TNKS: variants seen among roughly 807,000 people sequenced by gnomAD.
The protein encoded by TNKS is tankyrase.
In TNKS, 72 loss-of-function variants were observed where a neutral mutation model predicts 135.8. That is an observed-to-expected ratio of 0.53 (90% CI 0.44 to 0.64). The LOEUF (loss-of-function observed/expected upper bound fraction) is 0.64, where lower values mean the gene tolerates loss of function less well. TNKS is among the 30% of genes least tolerant of loss of function. The pLI is 0.00. For missense variants in TNKS, 1,769 were observed against 1,674.0 expected, an observed-to-expected ratio of 1.06 and a Z score of -0.99; for synonymous variants, 849 against 649.3, an observed-to-expected ratio of 1.31 and a Z score of -4.68.
intron 2 of TNKS, among the ~76,000 whole-genome samples, chr8:9,615,109 A>T (rs1799590668): frequency 6.6e-6 from 1 of 152,098 alleles, no homozygotes; most frequent in Non-Finnish European, 1.5e-5. Flanking sequence ...GGTGAGTTTC[A>T]TGTGCAAGTG....
At chr8:9,656,118 C>A (rs1023691470) in intron 3 of TNKS, among the ~76,000 whole-genome samples, 3 of 152,146 alleles carry the variant, frequency 2.0e-5, no homozygotes, top group Middle Eastern at 3.4e-3. Flanking sequence ...GTAGCCAATG[C>A]GATCAACTGG....
intron 2 of TNKS, among the ~76,000 whole-genome samples, chr8:9,608,468 C>G (rs115781526): frequency 6.6e-6 from 1 of 151,948 alleles, no homozygotes; most frequent in Admixed American, 6.6e-5. Flanking sequence ...TTTCTCAAGG[C>G]TAGAATTGCA....
At position 9,727,248 on chromosome 8, in the gene TNKS, C is replaced by CA. The variant is rs113695392; in HGVS notation, c.2001+533dup. ...TTTCCCTGTGTAGCTCTACTTGCTT[C>CA]AAAAATTTTATCAGTCTGTATTTGT... On this transcript the variant is annotated intron_variant, in intron 13 of 26. Transcript: ENST00000310430. Among the ~76,000 whole-genome samples the CA allele has an allele frequency of 8.4e-3, 1,282 of 152,148 alleles. 18 individuals are homozygous for CA. Among genetic ancestry groups the CA allele is most frequent in the African/African-American group, 0.029 (1,200 of 41,518 alleles).
At position 9,730,958 on chromosome 8, in the gene TNKS, C is replaced by T. The variant is rs575224152; in HGVS notation, c.2070C>T (p.Phe690=). 3.0e-5 allele frequency: 49 copies of T among 1,613,968 alleles called. No individual in the cohort carries two copies. The highest frequency in any genetic ancestry group is 1.2e-4 in the South Asian group (11 of 91,068). ...GCCGGCATTCCACGCCCTTACACTTCGCAGCAGGCTACAACCGCGTGTCTG... is the reference window on the plus strand; with the variant it reads ...GCCGGCATTCCACGCCCTTACACTTTGCAGCAGGCTACAACCGCGTGTCTG... ...LEGRHSTPLH[F]AAGYNRVSVV... The change falls in exon 14 of 27, where the codon TTC becomes TTT. Residue 690 remains phenylalanine (F), a synonymous_variant. Transcript: ENST00000310430.
intron 3 of TNKS, chr8:9,669,984 A>G (rs1348306759): frequency 6.6e-6 from 1 of 152,234 alleles, no homozygotes; most frequent in Non-Finnish European, 1.5e-5. Context: ...AGCTTCAAAA[A>G]AAGTGACTCA....
chr8:9,760,736 A>T (rs1807108488), intron 20 of TNKS, among the ~76,000 whole-genome samples: 1 of 152,222 alleles, frequency 6.6e-6, no homozygotes, highest in African/African-American at 2.4e-5. Flanking sequence ...TCCATAAAGG[A>T]ATTAGGTTAT....
chr8:9,663,701 A>T (rs1317307017), intron 3 of TNKS, among the ~76,000 whole-genome samples: 1 of 152,198 alleles, frequency 6.6e-6, no homozygotes, highest in African/African-American at 2.4e-5. Flanking sequence ...ATTATTTGCT[A>T]GTGGTGCCCA....
chr8:9,676,686 C>CTCTCTGTG (rs1554467464), intron 3 of TNKS, among the ~76,000 whole-genome samples: 3 of 147,884 alleles, frequency 2.0e-5, no homozygotes, highest in African/African-American at 7.5e-5. Flanking sequence ...CTCTCTCTCT[C>CTCTCTGTG]TGTGTGTGTG....
chr8:9,697,657 A>G (rs544461402), intron 5 of TNKS, among the ~76,000 whole-genome samples: 1 of 152,332 alleles, frequency 6.6e-6, no homozygotes, highest in East Asian at 1.9e-4. Flanking sequence ...AAAATAAGAC[A>G]TACAAGCAGC....
Position 9,734,953 on chromosome 8 carries a change from TGA to T in TNKS, c.2406_2407del (p.Asp804CysfsTer44). The T allele has an allele frequency of 6.2e-7, 1 of 1,614,190 alleles. No homozygotes were observed. The highest frequency in any genetic ancestry group is 8.5e-7 in the Non-Finnish European group (1 of 1,180,030). ...GGAGACACAGATATTCAGGACTTAC[TGA>T]GAGGGGATGCTGCTTTGTTGGATGC... is the stretch of plus-strand genomic sequence containing the variant. On this transcript the variant is annotated frameshift_variant, in exon 16 of 27. Coordinates refer to ENST00000310430, the MANE Select transcript of TNKS (RefSeq NM_003747.3). LOFTEE classifies it high-confidence loss of function.
intron 20 of TNKS, among the ~76,000 whole-genome samples, chr8:9,756,975 T>TG (rs1563213928): frequency 2.4e-4 from 37 of 152,020 alleles, no homozygotes; most frequent in Admixed American, 2.4e-3. Context: ...TTGTTTGTTT[T>TG]TTTTTGTTTG....
At chr8:9,773,724 GAA>G (rs11431406) in intron 26 of TNKS, among the ~76,000 whole-genome samples, 1 of 148,534 alleles carries the variant, frequency 6.7e-6, no homozygotes, top group African/African-American at 2.5e-5. Flanking sequence ...TTATTTGAAA[GAA>G]AAAAAAAATG....
intron 2 of TNKS, among the ~76,000 whole-genome samples, chr8:9,586,725 G>T (rs1339965099): frequency 3.4e-5 from 2 of 58,248 alleles, no homozygotes; most frequent in Non-Finnish European, 6.9e-5. Context: ...TCTAAAACGT[G>T]TGTGTGTGTG....
intron 1 of TNKS, among the ~76,000 whole-genome samples, chr8:9,579,950 G>A (rs1798106627): frequency 6.6e-6 from 1 of 152,162 alleles, no homozygotes; most frequent in African/African-American, 2.4e-5. Flanking sequence ...TGAATGAACA[G>A]CCCAAAGACT....
At chr8:9,685,476 T>C (rs1802950714) in intron 5 of TNKS, among the ~76,000 whole-genome samples, 1 of 152,160 alleles carries the variant, frequency 6.6e-6, no homozygotes, top group South Asian at 2.1e-4. Flanking sequence ...CCTTTGATAA[T>C]TTTTTCTGAA....
chr8:9,778,683 T>C lies in TNKS; in HGVS notation c.*1947T>C, dbSNP rs1393335686. 2.0e-5 allele frequency: 3 copies of C among 152,600 alleles called. No homozygotes were observed. Among genetic ancestry groups the C allele is most frequent in the East Asian group, 1.9e-4 (1 of 5,200 alleles). 9.5% of individuals were successfully genotyped at this position (152,600 alleles called of 1,614,324 possible). A position where few individuals can be genotyped will look rare whatever the true frequency, so the allele number is the denominator to read the frequency against. On this transcript the variant is annotated 3_prime_UTR_variant, in exon 27 of 27. Coordinates refer to ENST00000310430, the MANE Select transcript of TNKS (RefSeq NM_003747.3). ...TGATATTCATTAAGAGGGCTTTTTTTCCCCTTCTTTCCTTCTCTTTTGCTG... is the reference window on the plus strand; with the variant it reads ...TGATATTCATTAAGAGGGCTTTTTTCCCCCTTCTTTCCTTCTCTTTTGCTG...
At position 9,770,074 on chromosome 8, in the gene TNKS, C is replaced by A. The variant is rs1482134847; in HGVS notation, c.3741-32C>A. 1.9e-6 allele frequency: 3 copies of A among 1,569,836 alleles called. No individual in the cohort carries two copies. In the Admixed American group the frequency reaches 5.4e-5, roughly 28 times the overall value. On this transcript the variant is annotated intron_variant, in intron 25 of 26. Coordinates refer to ENST00000310430, the MANE Select transcript of TNKS (RefSeq NM_003747.3). ...ATATTATTGTAAGATTTAAAGCTTCCTTCAAAGCATTGTTTTTTTCTTTTT... is the reference window on the plus strand; with the variant it reads ...ATATTATTGTAAGATTTAAAGCTTCATTCAAAGCATTGTTTTTTTCTTTTT...
intron 3 of TNKS, among the ~76,000 whole-genome samples, chr8:9,628,352 T>C (rs1294726157): frequency 1.3e-5 from 2 of 152,172 alleles, no homozygotes; most frequent in African/African-American, 2.4e-5. Flanking sequence ...CTTTTTGCTG[T>C]TGTTATTGTT....
In TNKS at chr8:9,616,005, C is replaced by T. The variant is rs565279617; in HGVS notation, c.994+328C>T. 5.2e-4 allele frequency among the ~76,000 whole-genome samples: 79 copies of T among 152,226 alleles called. 1 individual carries two copies. The highest frequency in any genetic ancestry group is 1.8e-3 in the African/African-American group (73 of 41,536). Reference sequence around the variant, plus strand: ...TTTAAGACCTTTACTGTTGAGCAAGCAAGGGCATTTATATTACTATAAAAG... The same window carrying T: ...TTTAAGACCTTTACTGTTGAGCAAGTAAGGGCATTTATATTACTATAAAAG... On this transcript the variant is annotated intron_variant, in intron 3 of 26. Coordinates refer to ENST00000310430, the MANE Select transcript of TNKS (RefSeq NM_003747.3).
Sources: gnomAD v4.1 joint callset for allele counts (sites outside exome capture counted in the v4.1 genomes callset) on GRCh38, gnomAD v4.1.1 for gene constraint, MANE v1.5 for transcripts, NCBI Gene and HGNC (gene_info 2026-07-23, HGNC 2026-07-21) for gene names.